The following SUCLA2 variants were observed in gnomAD, a reference collection of about 807,000 sequenced individuals.
SUCLA2 encodes the protein succinate-CoA ligase ADP-forming subunit beta, also known as succinate--CoA ligase [ADP-forming] subunit beta, mitochondrial.
In SUCLA2, 30 loss-of-function variants were observed where a neutral mutation model predicts 54.8. That is an observed-to-expected ratio of 0.55 (90% CI 0.41 to 0.74). SUCLA2 has a LOEUF of 0.74. SUCLA2 is among the 30% of genes least tolerant of loss of function. The probability of loss-of-function intolerance (pLI) is 0.00; values close to 1 mark genes in which losing one functional copy is unlikely to be tolerated. For missense variants in SUCLA2, 476 were observed against 562.9 expected (o/e 0.85, Z 1.56); for synonymous variants, 172 against 188.9 (o/e 0.91, Z 0.74).
rs572802672 is a variant in SUCLA2 at position 47,949,068 on chromosome 13, C to T, written c.1229-40G>A. ...TGCAAATATAAATGTTTTAAATACA[C>T]ACACAAAAGCATTTTAAAATGTTTG... On this transcript the variant is annotated intron_variant, in intron 9 of 10. Coordinates refer to ENST00000646932, the MANE Select transcript of SUCLA2 (RefSeq NM_003850.3). The T allele has an allele frequency of 2.7e-4, 434 of 1,579,162 alleles. 4 individuals are homozygous for T. In the South Asian group the frequency reaches 4.6e-3, roughly 17 times the overall value.
At chr13:47,968,516 T>C in intron 6 of SUCLA2, 79 bp downstream of exon 6, 4 of 1,553,710 alleles carry the variant, frequency 2.6e-6, no homozygotes, top group Non-Finnish European at 3.5e-6. Flanking sequence ...CTACTTTAAC[T>C]TCTATGATTT....
intron 4 of SUCLA2, among the ~76,000 whole-genome samples, chr13:47,986,030 T>TG (rs1491226119): frequency 2.6e-4 from 1 of 3,800 alleles, no homozygotes; most frequent in East Asian, 0.038. Context: ...ATATGTATAG[T>TG]TTTTTTTTTT....
intron 4 of SUCLA2, among the ~76,000 whole-genome samples, chr13:47,974,984 C>A (rs992957342): frequency 1.3e-5 from 2 of 151,634 alleles, no homozygotes; most frequent in East Asian, 3.9e-4. Context: ...TCCATATTGA[C>A]AGAAACAATA....
At chr13:47,968,552 G>A (rs1261982413) in intron 6 of SUCLA2, 43 bp downstream of exon 6, 12 of 1,607,288 alleles carry the variant, frequency 7.5e-6, no homozygotes, top group Non-Finnish European at 1.0e-5. Flanking sequence ...GCATATTAGA[G>A]AAATAAATGC....
chr13:47,952,211 C>T (rs903154734), intron 8 of SUCLA2, among the ~76,000 whole-genome samples: 4 of 152,072 alleles, frequency 2.6e-5, no homozygotes, highest in African/African-American at 9.7e-5. Context: ...AAACTCTTCA[C>T]CTTGGTCCTT....
Position 47,944,076 on chromosome 13 carries a change from C to T in SUCLA2, c.1318-631G>A, listed in dbSNP as rs117695105. ...AAGACCAAAAAAACAAACTCAGCTTCTCTCTTCCTCAGTAAATTAGTTAAG... is the reference window on the plus strand; with the variant it reads ...AAGACCAAAAAAACAAACTCAGCTTTTCTCTTCCTCAGTAAATTAGTTAAG... On this transcript the variant is annotated intron_variant, in intron 10 of 10. Coordinates refer to ENST00000646932, the MANE Select transcript of SUCLA2 (RefSeq NM_003850.3). Among the ~76,000 whole-genome samples the T allele has an allele frequency of 2.2e-4, 34 of 152,198 alleles. No homozygotes were observed. The East Asian group carries it at 3.9e-3, about 17-fold the overall frequency.
intron 4 of SUCLA2, among the ~76,000 whole-genome samples, chr13:47,986,035 T>TG (rs1950101074): frequency 7.6e-6 from 1 of 131,204 alleles, no homozygotes; most frequent in Non-Finnish European, 1.7e-5. Flanking sequence ...TATAGTTTTT[T>TG]TTTTTTTTTT....
At chr13:47,985,583 G>T (rs1293009182) in intron 4 of SUCLA2, among the ~76,000 whole-genome samples, 1 of 152,026 alleles carries the variant, frequency 6.6e-6, no homozygotes, top group East Asian at 1.9e-4. Context: ...CTTTTTTATG[G>T]CTGCAGAGTA....
chr13:47,997,627 T>C (rs980537768), intron 1 of SUCLA2, among the ~76,000 whole-genome samples: 4 of 152,156 alleles, frequency 2.6e-5, no homozygotes, highest in Admixed American at 6.5e-5. Flanking sequence ...TGGAGCCTAC[T>C]TGCCCAAAGT....
At chr13:47,952,708 T>C (rs1949786367) in intron 8 of SUCLA2, among the ~76,000 whole-genome samples, 1 of 151,738 alleles carries the variant, frequency 6.6e-6, no homozygotes, top group Admixed American at 6.6e-5. Flanking sequence ...CATTATGAAT[T>C]CTCTTGTGTA....
At chr13:47,992,388 C>CAAAAAAAAAAAAAA (rs35103136) in intron 2 of SUCLA2, among the ~76,000 whole-genome samples, 1 of 93,074 alleles carries the variant, frequency 1.1e-5, no homozygotes, top group Non-Finnish European at 2.0e-5. Context: ...ACAACGAAAG[C>CAAAAAAAAAAAAAA]AAAAAAAAAA....
At chr13:47,960,659 T>C (rs1949863373) in intron 6 of SUCLA2, among the ~76,000 whole-genome samples, 1 of 152,070 alleles carries the variant, frequency 6.6e-6, no homozygotes, top group African/African-American at 2.4e-5. Context: ...TTTAGTTGTG[T>C]GGACCATTAT....
intron 6 of SUCLA2, among the ~76,000 whole-genome samples, chr13:47,965,370 G>C (rs1322336531): frequency 6.6e-6 from 1 of 151,402 alleles, no homozygotes; most frequent in Admixed American, 6.6e-5. Flanking sequence ...TATCAATACT[G>C]GAACAAACCA....
intron 2 of SUCLA2, among the ~76,000 whole-genome samples, chr13:47,991,268 T>C (rs1018649521): frequency 1.3e-5 from 2 of 152,188 alleles, no homozygotes; most frequent in African/African-American, 4.8e-5. Flanking sequence ...TCTACACTTT[T>C]TATCTCCTAG....
At chr13:47,990,530 A>T (rs1950141580) in intron 2 of SUCLA2, among the ~76,000 whole-genome samples, 1 of 152,176 alleles carries the variant, frequency 6.6e-6, no homozygotes, top group Admixed American at 6.5e-5. Flanking sequence ...GAGCCTCCTC[A>T]TTTTGCCTCT....
At chr13:47,989,168 A>C (rs1013570435) in intron 2 of SUCLA2, among the ~76,000 whole-genome samples, 187 bp from the exon 3 acceptor site, 14 of 152,272 alleles carry the variant, frequency 9.2e-5, no homozygotes, top group African/African-American at 3.1e-4. Flanking sequence ...TCACTGTCTA[A>C]AAGGCCCACA....
chr13:47,998,898 G>A lies in SUCLA2; in HGVS notation c.91-1875C>T, dbSNP rs531603957. Among the ~76,000 whole-genome samples, 7 of 152,094 alleles carry A rather than the reference G, an allele frequency of 4.6e-5. No individual in the cohort carries two copies. The South Asian group carries it at 6.2e-4, about 14-fold the overall frequency. On this transcript the variant is annotated intron_variant, in intron 1 of 10. Coordinates refer to ENST00000646932, the MANE Select transcript of SUCLA2 (RefSeq NM_003850.3). The stretch of plus-strand genomic sequence containing the variant: ...ACATCTTACTGTACATAAATTATAC[G>A]TCAAAATAATAATAAAAATTAGTGG...
At chr13:47,995,523 T>C (rs2137752190) in intron 2 of SUCLA2, among the ~76,000 whole-genome samples, 1 of 152,320 alleles carries the variant, frequency 6.6e-6, no homozygotes, top group Non-Finnish European at 1.5e-5. Flanking sequence ...TCTGAACTTG[T>C]ATATATCCTT....
chr13:47,998,515 G>A (rs1266060152), intron 1 of SUCLA2, among the ~76,000 whole-genome samples: 5 of 152,084 alleles, frequency 3.3e-5, no homozygotes, highest in African/African-American at 1.2e-4. Flanking sequence ...CCATCAACAG[G>A]AGAATGGATA....
Sources: allele counts gnomAD v4.1 joint callset (sites outside exome capture counted in the v4.1 genomes callset), GRCh38; gene constraint gnomAD v4.1.1; transcripts MANE v1.5; gene names NCBI Gene and HGNC (gene_info 2026-07-23, HGNC 2026-07-21).